LPP: variants seen among roughly 807,000 people sequenced by gnomAD.
LPP encodes lipoma-preferred partner.
Under a neutral mutation model 60.4 loss-of-function variants are expected in LPP, and 38 were observed. That is an observed-to-expected ratio of 0.63 (90% CI 0.49 to 0.83). The LOEUF (loss-of-function observed/expected upper bound fraction) is 0.83, where lower values mean the gene tolerates loss of function less well. LPP is among the 40% of genes least tolerant of loss of function. The pLI is 0.00. For missense variants in LPP, 902 were observed against 783.6 expected, an observed-to-expected ratio of 1.15 and a Z score of -1.80; for synonymous variants, 328 against 290.8, an observed-to-expected ratio of 1.13 and a Z score of -1.30.
At chr3:188,777,234 A>C (rs1738089953) in intron 9 of LPP, among the ~76,000 whole-genome samples, 1 of 152,014 alleles carries the variant, frequency 6.6e-6, no homozygotes, top group African/African-American at 2.4e-5. Context: ...AAGGTAACCC[A>C]TATAGCCAAG....
chr3:188,602,176 T>TAATATATATATAATATATATATAATA (rs1491164275), intron 6 of LPP, among the ~76,000 whole-genome samples: 1 of 99,480 alleles, frequency 1.0e-5, no homozygotes, highest in African/African-American at 3.3e-5. Context: ...TATATATATA[T>TAATATATATATAATATATATATAATA]TATATATATA....
chr3:188,722,385 T>C (rs1330768314), intron 8 of LPP, among the ~76,000 whole-genome samples: 1 of 152,132 alleles, frequency 6.6e-6, no homozygotes, highest in African/African-American at 2.4e-5. Context: ...GGAGCAATAG[T>C]CTAATGTAGA....
At chr3:188,234,495 A>AT (rs896802287) in intron 2 of LPP, among the ~76,000 whole-genome samples, 1 of 152,168 alleles carries the variant, frequency 6.6e-6, no homozygotes, top group African/African-American at 2.4e-5. Flanking sequence ...GGACTAGGTG[A>AT]TTTAAATGTC....
intron 9 of LPP, among the ~76,000 whole-genome samples, chr3:188,776,994 C>T (rs913126548): frequency 6.6e-6 from 1 of 152,174 alleles, no homozygotes; most frequent in Non-Finnish European, 1.5e-5. Flanking sequence ...CCTGAGTTAC[C>T]ATTAGATGGT....
At chr3:188,491,695 C>A (rs534641158) in intron 5 of LPP, among the ~76,000 whole-genome samples, 1 of 152,270 alleles carries the variant, frequency 6.6e-6, no homozygotes, top group South Asian at 2.1e-4. Context: ...TGGCTCTGGT[C>A]ATTGTGACTT....
rs5855207 is a variant in LPP, at chr3:188,563,728, G to GTTT, written c.429+38949_429+38951dup. On this transcript the variant is annotated intron_variant, in intron 6 of 11. Transcript: ENST00000617246. ...ATTGGAATTGCTTGTGTTTTTTTTT[G>GTTT]TTTTTTTTTTGTTTTTTTGAGATTA... Among the ~76,000 whole-genome samples, 922 of 145,098 alleles carry GTTT rather than the reference G, an allele frequency of 6.4e-3. 15 individuals are homozygous for GTTT. The highest frequency in any genetic ancestry group is 0.018 in the African/African-American group (712 of 39,450).
At chr3:188,443,232 A>G (rs6444288) in intron 4 of LPP, among the ~76,000 whole-genome samples, 143,963 of 152,272 alleles carry the variant, frequency 0.95, 68,329 homozygotes, top group East Asian at 0.99. Flanking sequence ...ATTGACCACA[A>G]TCTACAACAA....
At chr3:188,353,293 A>G (rs1766500514) in intron 3 of LPP, among the ~76,000 whole-genome samples, 2 of 152,216 alleles carry the variant, frequency 1.3e-5, no homozygotes, top group Non-Finnish European at 2.9e-5. Context: ...ATGAGCATCC[A>G]GTAAGTTTTT....
chr3:188,423,078 T>C (rs1443254391), intron 4 of LPP, among the ~76,000 whole-genome samples: 1 of 152,018 alleles, frequency 6.6e-6, no homozygotes, highest in Non-Finnish European at 1.5e-5. Context: ...TAGGTATTTC[T>C]CCTAATGCTA....
At chr3:188,401,794 C>G (rs2030520) in intron 3 of LPP, among the ~76,000 whole-genome samples, 4 of 151,972 alleles carry the variant, frequency 2.6e-5, no homozygotes, top group African/African-American at 9.7e-5. Context: ...CACCATGTGA[C>G]GAATATGTGA....
chr3:188,791,768 G>A (rs1000804470), intron 9 of LPP, among the ~76,000 whole-genome samples: 19 of 152,176 alleles, frequency 1.2e-4, no homozygotes, highest in South Asian at 4.1e-4. Context: ...ACAAGATTGC[G>A]TTGTCCTGCT....
chr3:188,724,430 T>C (rs1717612489), intron 8 of LPP, among the ~76,000 whole-genome samples: 1 of 152,190 alleles, frequency 6.6e-6, no homozygotes, highest in African/African-American at 2.4e-5. Flanking sequence ...TTAGTATGAT[T>C]TGATTTTCTC....
At chr3:188,416,816 T>C (rs762332869) in intron 4 of LPP, among the ~76,000 whole-genome samples, 1 of 152,150 alleles carries the variant, frequency 6.6e-6, no homozygotes, top group Non-Finnish European at 1.5e-5. Flanking sequence ...ATTACAGAGC[T>C]CTTGCTATTG....
intron 3 of LPP, among the ~76,000 whole-genome samples, chr3:188,350,259 G>A (rs188931028): frequency 2.7e-3 from 414 of 152,340 alleles, no homozygotes; most frequent in African/African-American, 9.8e-3. Flanking sequence ...TTGGTGTGAT[G>A]TGTGAGCTCA....
chr3:188,801,812 T>C (rs976562910), intron 9 of LPP, among the ~76,000 whole-genome samples: 4 of 152,142 alleles, frequency 2.6e-5, no homozygotes, highest in African/African-American at 9.7e-5. Flanking sequence ...TAGGATGGAG[T>C]TGGATAAAGA....
At chr3:188,381,686 T>A (rs1391264751) in intron 3 of LPP, among the ~76,000 whole-genome samples, 5 of 151,966 alleles carry the variant, frequency 3.3e-5, no homozygotes, top group Non-Finnish European at 5.9e-5. Flanking sequence ...AGCGTGAGAG[T>A]TGTTTGAGCT....
At chr3:188,318,919 C>G (rs891825705) in intron 2 of LPP, among the ~76,000 whole-genome samples, 1 of 150,696 alleles carries the variant, frequency 6.6e-6, no homozygotes, top group Admixed American at 6.6e-5. Flanking sequence ...CCACTACGCC[C>G]GGCTAATTTT....
At chr3:188,645,392 A>T (rs1240873753) in intron 7 of LPP, among the ~76,000 whole-genome samples, 2 of 152,112 alleles carry the variant, frequency 1.3e-5, no homozygotes, top group African/African-American at 4.8e-5. Flanking sequence ...CTCCATTTGG[A>T]TGGCCATCCT....
At chr3:188,819,917 A>T (rs983268198) in intron 9 of LPP, among the ~76,000 whole-genome samples, 3 of 152,208 alleles carry the variant, frequency 2.0e-5, no homozygotes, top group Admixed American at 2.0e-4. Context: ...GCCAGCCATC[A>T]GTTTGAAAAC....
Sources: allele counts gnomAD v4.1 joint callset (sites outside exome capture counted in the v4.1 genomes callset), GRCh38; gene constraint gnomAD v4.1.1; transcripts MANE v1.5; gene names NCBI Gene and HGNC (gene_info 2026-07-23, HGNC 2026-07-21).